TLN2: variants seen among roughly 807,000 people sequenced by gnomAD.
TLN2 encodes talin 2.
In TLN2, 118 loss-of-function variants were observed where a neutral mutation model predicts 294.7. The observed-to-expected ratio is 0.40, with a 90% CI of 0.34 to 0.47. The LOEUF (loss-of-function observed/expected upper bound fraction) is 0.47, where lower values mean the gene tolerates loss of function less well. Ranked by LOEUF, TLN2 falls within the 20% of genes least tolerant of loss-of-function variation. TLN2 has a pLI of 0.84. For missense variants in TLN2, 3,083 were observed against 3,282.2 expected, an observed-to-expected ratio of 0.94 and a Z score of 1.48; for synonymous variants, 1,431 against 1,304.5, an observed-to-expected ratio of 1.10 and a Z score of -2.09.
intron 1 of TLN2, among the ~76,000 whole-genome samples, chr15:62,579,815 A>T (rs111267660): frequency 6.6e-6 from 1 of 152,230 alleles, no homozygotes; most frequent in African/African-American, 2.4e-5. Context: ...CTGTAGAAGC[A>T]GTTGCTGAGG....
intron 1 of TLN2, among the ~76,000 whole-genome samples, chr15:62,581,095 G>A (rs2044962764): frequency 6.6e-6 from 1 of 151,992 alleles, no homozygotes; most frequent in Non-Finnish European, 1.5e-5. Context: ...TGTTGGCCCG[G>A]ATGGTCTCCT....
intron 54 of TLN2, chr15:62,824,041 C>T (rs745440127): frequency 3.8e-6 from 2 of 521,808 alleles, no homozygotes; most frequent in Admixed American, 2.0e-5. Flanking sequence ...AGTGTCTTGC[C>T]CTGTCTCCGG....
At chr15:62,838,732 A>G in intron 57 of TLN2, 124 bp from the exon 58 acceptor site, 1 of 1,310,384 alleles carries the variant, frequency 7.6e-7, no homozygotes, top group Non-Finnish European at 1.0e-6. Context: ...TGGCTACAGA[A>G]CTTGATGTTA....
intron 1 of TLN2, among the ~76,000 whole-genome samples, chr15:62,410,520 CAAAGT>C (rs2033708921): frequency 6.6e-6 from 1 of 152,148 alleles, no homozygotes; most frequent in Admixed American, 6.5e-5. Context: ...AATTAGTTTG[CAAAGT>C]AAAGATTCCT....
chr15:62,441,094 C>T (rs978289251), intron 1 of TLN2, among the ~76,000 whole-genome samples: 4 of 152,072 alleles, frequency 2.6e-5, no homozygotes, highest in Admixed American at 6.6e-5. Flanking sequence ...GAAAATCCAT[C>T]GAACTAATGA....
chr15:62,619,840 A>G (rs78270107), intron 3 of TLN2, among the ~76,000 whole-genome samples: 4,782 of 152,212 alleles, frequency 0.031, 105 homozygotes, highest in African/African-American at 0.043. Flanking sequence ...ACAAATTCCT[A>G]TTGTTTTAGG....
chr15:62,512,437 T>A (rs1022353911), intron 1 of TLN2, among the ~76,000 whole-genome samples: 1 of 152,086 alleles, frequency 6.6e-6, no homozygotes, highest in African/African-American at 2.4e-5. Context: ...GCATAGTAAC[T>A]CTAAGAAGTC....
At chr15:62,590,942 T>G (rs1490820033) in intron 2 of TLN2, among the ~76,000 whole-genome samples, 1 of 152,028 alleles carries the variant, frequency 6.6e-6, no homozygotes, top group African/African-American at 2.4e-5. Context: ...CTTTAAAATT[T>G]TGTGGAATAG....
At chr15:62,634,095 C>T (rs750583689) in intron 3 of TLN2, among the ~76,000 whole-genome samples, 7 of 152,186 alleles carry the variant, frequency 4.6e-5, no homozygotes, top group Admixed American at 2.6e-4. Flanking sequence ...CAAATAAGGT[C>T]GCAGTCTGAG....
chr15:62,394,953 C>T (rs1449498754), intron 1 of TLN2, among the ~76,000 whole-genome samples: 1 of 152,108 alleles, frequency 6.6e-6, no homozygotes, highest in African/African-American at 2.4e-5. Flanking sequence ...TTTTGTTTTT[C>T]TCTTAATCAA....
chr15:62,400,710 A>G (rs2032951694), intron 1 of TLN2, among the ~76,000 whole-genome samples: 2 of 152,196 alleles, frequency 1.3e-5, no homozygotes, highest in Non-Finnish European at 2.9e-5. Flanking sequence ...AAATTGTGTC[A>G]CAATCTGATC....
chr15:62,460,009 C>G (rs1216547421), intron 1 of TLN2, among the ~76,000 whole-genome samples: 1 of 152,180 alleles, frequency 6.6e-6, no homozygotes, highest in African/African-American at 2.4e-5. Flanking sequence ...TGATGTGATC[C>G]AGGACCTCAG....
At position 62,700,470 on chromosome 15, in the gene TLN2, G is replaced by A. The variant is rs544745625; in HGVS notation, c.1588-636G>A. 3.9e-5 allele frequency among the ~76,000 whole-genome samples: 6 copies of A among 152,292 alleles called. No individual in the cohort carries two copies. In the East Asian group the frequency reaches 1.2e-3, roughly 29 times the overall value. The stretch of plus-strand genomic sequence containing the variant: ...TTTTAAAAACCATTGAATTTCCATG[G>A]TAGAAGAAGTATAAGGCACAGGACC... On this transcript the variant is annotated intron_variant, in intron 16 of 58. Transcript: ENST00000636159.
At chr15:62,397,049 T>C (rs2032608520) in intron 1 of TLN2, among the ~76,000 whole-genome samples, 1 of 152,074 alleles carries the variant, frequency 6.6e-6, no homozygotes, top group Admixed American at 6.6e-5. Flanking sequence ...CAAACTTGGT[T>C]TTCCTAATTG....
intron 51 of TLN2, among the ~76,000 whole-genome samples, chr15:62,808,684 G>A (rs2066464745): frequency 6.6e-6 from 1 of 152,174 alleles, no homozygotes; most frequent in Admixed American, 6.5e-5. Flanking sequence ...TCCCGCAGTG[G>A]TGTCTCATCA....
chr15:62,409,867 C>G (rs1384030366), intron 1 of TLN2, among the ~76,000 whole-genome samples: 1 of 152,190 alleles, frequency 6.6e-6, no homozygotes, highest in Non-Finnish European at 1.5e-5. Flanking sequence ...GATGTTTCCA[C>G]AAATGAATTT....
chr15:62,650,316 T>C, intron 5 of TLN2, 135 bp downstream of exon 5: 1 of 809,770 alleles, frequency 1.2e-6, no homozygotes, highest in East Asian at 2.7e-5. Context: ...TTGTAAGGGC[T>C]GTTCAGGTGG....
rs182805186 is a variant in TLN2 at position 62,684,633 on chromosome 15, C to T, written c.958-2008C>T. ...GGTTACCAGATGCCCATGGTGAGGG[C>T]GGTTGGGGGTGGGTAGGATTTGGCC... On this transcript the variant is annotated intron_variant, in intron 11 of 58. Coordinates refer to ENST00000636159, the MANE Select transcript of TLN2 (RefSeq NM_015059.3). Among the ~76,000 whole-genome samples the T allele has an allele frequency of 1.7e-4, 25 of 151,466 alleles. No homozygotes were observed. In the East Asian group the frequency reaches 2.9e-3, roughly 18 times the overall value.
intron 2 of TLN2, among the ~76,000 whole-genome samples, chr15:62,613,550 T>C (rs2048084513): frequency 6.6e-6 from 1 of 152,184 alleles, no homozygotes; most frequent in African/African-American, 2.4e-5. Flanking sequence ...ACACCTATCA[T>C]GTGTCCCAGC....
Sources: allele counts gnomAD v4.1 joint callset (sites outside exome capture counted in the v4.1 genomes callset), GRCh38; gene constraint gnomAD v4.1.1; transcripts MANE v1.5; gene names NCBI Gene and HGNC (gene_info 2026-07-23, HGNC 2026-07-21).